The following ATXN3 variants were observed in gnomAD, a reference collection of about 807,000 sequenced individuals.
The protein encoded by ATXN3 is ataxin-3.
A neutral mutation model predicts 58.2 loss-of-function variants in ATXN3; 28 were observed. The observed-to-expected ratio is 0.48, with a 90% confidence interval of 0.36 to 0.66. The LOEUF (loss-of-function observed/expected upper bound fraction) is 0.66, where lower values mean the gene tolerates loss of function less well. Ranked by LOEUF, ATXN3 falls within the 30% of genes least tolerant of loss-of-function variation. ATXN3 has a pLI of 0.00. For missense variants in ATXN3, 321 were observed against 422.1 expected (o/e 0.76, Z 2.10); for synonymous variants, 113 against 138.5 (o/e 0.82, Z 1.29).
intron 9 of ATXN3, chr14:92,079,565 A>ATAATTGACAGTAT: frequency 9.4e-6 from 3 of 318,608 alleles, no homozygotes; most frequent in Non-Finnish European, 1.4e-5. Context: ...ATATACTGTC[A>ATAATTGACAGTAT]ATTATGACTG....
chr14:92,103,320 G>A (rs1051796464), intron 1 of ATXN3, among the ~76,000 whole-genome samples: 1 of 152,178 alleles, frequency 6.6e-6, no homozygotes, highest in Admixed American at 6.6e-5. Context: ...ATGTGTGACA[G>A]AGACTACAGC....
rs1300114789 is a variant in ATXN3 at position 92,088,775 on chromosome 14, A to G, written c.430T>C (p.Ser144Pro). ...NSLLTGPELI[S>P]DTYLALFLAQ... is the part of the protein sequence containing the mutation. ...AAGAAAAGTGCAAGATATGTATCTG[A>G]TATTAATTCTGGACCCGTCAAGAGA... The change falls in exon 6 of 11, where the codon TCA (serine) becomes CCA (proline). Residue 144 changes from serine (S) to proline (P), a missense_variant. Around this residue, in one of 2 missense-constraint regions of ATXN3, gnomAD observed 121 missense variants for 198.9 expected, o/e 0.61. Transcript: ENST00000644486. The G allele has an allele frequency of 5.6e-6, 9 of 1,612,750 alleles. No homozygotes were observed. Among genetic ancestry groups the G allele is most frequent in the Non-Finnish European group, 7.6e-6 (9 of 1,179,066 alleles).
chr14:92,081,161 TTTTCTC>T (rs1164759577), intron 8 of ATXN3, 100 bp from the exon 9 acceptor site: 4 of 818,010 alleles, frequency 4.9e-6, no homozygotes, highest in Non-Finnish European at 6.0e-6. Context: ...CTTTAAAACG[TTTTCTC>T]TTTAAGAATA....
chr14:92,084,824 C>T (rs2062085277), intron 6 of ATXN3, among the ~76,000 whole-genome samples: 2 of 152,118 alleles, frequency 1.3e-5, no homozygotes, highest in Non-Finnish European at 2.9e-5. Flanking sequence ...AGGTGATCTG[C>T]CCACCTCGGC....
rs2063136858 is a variant in ATXN3 at position 92,088,809 on chromosome 14, G to C, written c.396C>G (p.Asn132Lys). Residue 132 changes from asparagine to lysine, a missense_variant, in exon 6 of 11, where the codon AAC (asparagine) becomes AAG (lysine). This residue lies in a region of ATXN3 where 121 missense variants were observed against 198.9 expected (regional missense o/e 0.61). Transcript: ENST00000644486. The stretch of plus-strand genomic sequence containing the variant: ...CTGGACCCGTCAAGAGAGAATTCAA[G>C]TTAAACCACTGGAAAAAAATTGTCA... ...TVRKLGKQWFNLNSLLTGPEL... is the reference protein window; with the variant it reads ...TVRKLGKQWFKLNSLLTGPEL... 1.9e-6 allele frequency: 3 copies of C among 1,606,068 alleles called. No individual in the cohort carries two copies. The highest frequency in any genetic ancestry group is 1.7e-6 in the Non-Finnish European group (2 of 1,174,478).
rs1267425120 is a variant in ATXN3 at position 92,062,158 on chromosome 14, G to T, written c.*2162C>A. The T allele has an allele frequency of 6.6e-6, 1 of 152,228 alleles. No individual in the cohort carries two copies. Among genetic ancestry groups the T allele is most frequent in the Admixed American group, 6.5e-5 (1 of 15,272 alleles). 9.4% of individuals were successfully genotyped at this position (152,228 alleles called of 1,614,324 possible). On this transcript the variant is annotated 3_prime_UTR_variant, in exon 11 of 11. Coordinates refer to ENST00000644486, the MANE Select transcript of ATXN3 (RefSeq NM_004993.6). ...TGTAATCCCAGCTACTCTGGAGGCT[G>T]AGGCAGGAGAATTGCTTGAACCCGG...
intron 1 of ATXN3, among the ~76,000 whole-genome samples, chr14:92,102,305 AC>A (rs1301941924): frequency 1.6e-4 from 22 of 136,850 alleles, no homozygotes; most frequent in Non-Finnish European, 3.4e-4. Context: ...TAAATTAAAA[AC>A]AAAAAAAAAA....
At position 92,058,645 on chromosome 14, in the gene ATXN3, C is replaced by G. The variant is rs915320626; in HGVS notation, c.*5675G>C. Reference sequence around the variant, plus strand: ...ACTAACAACAGAATCCTGTGTTCAACAGTGCTTTGGAAGCCCGGCTTTTCT... The same window carrying G: ...ACTAACAACAGAATCCTGTGTTCAAGAGTGCTTTGGAAGCCCGGCTTTTCT... On this transcript the variant is annotated 3_prime_UTR_variant, in exon 11 of 11. Transcript: ENST00000644486. The G allele has an allele frequency of 2.0e-5, 3 of 152,168 alleles. No homozygotes were observed. The highest frequency in any genetic ancestry group is 2.0e-4 in the Admixed American group (3 of 15,276). 9.4% of individuals were successfully genotyped at this position (152,168 alleles called of 1,614,324 possible).
upstream of ATXN3, among the ~76,000 whole-genome samples, chr14:92,051,157 A>T (rs916275918): frequency 7.2e-5 from 11 of 152,162 alleles, no homozygotes; most frequent in African/African-American, 2.7e-4. Context: ...TGATGATATC[A>T]TAATTTTTGG....
At chr14:92,097,139 G>C (rs1203308756) in intron 1 of ATXN3, among the ~76,000 whole-genome samples, 3 of 152,068 alleles carry the variant, frequency 2.0e-5, no homozygotes, top group East Asian at 3.9e-4. Context: ...TTGATCTCCT[G>C]ACCTCGTGAT....
intron 3 of ATXN3, among the ~76,000 whole-genome samples, chr14:92,094,835 C>T (rs2064787243): frequency 6.6e-6 from 1 of 152,154 alleles, no homozygotes; most frequent in Non-Finnish European, 1.5e-5. Flanking sequence ...CCTCTGATTT[C>T]AGCCCTGCAG....
At chr14:92,086,531 C>T (rs996889088) in intron 6 of ATXN3, among the ~76,000 whole-genome samples, 3 of 141,222 alleles carry the variant, frequency 2.1e-5, no homozygotes, top group African/African-American at 8.1e-5. Context: ...CGCCATTGCA[C>T]TCCAGCCGGA....
rs56226118 is a variant in ATXN3 at position 92,104,176 on chromosome 14, T to C, written c.24+2353A>G. On this transcript the variant is annotated intron_variant, in intron 1 of 10. Transcript: ENST00000644486. ...TTTTTTTTGAGACGGAGTCTCGCTC[T>C]GTTGCCCAGGCTGAAGTGCAGTGGC... Among the ~76,000 whole-genome samples the C allele has an allele frequency of 4.3e-3, 650 of 152,334 alleles. 3 individuals carry two copies. Among genetic ancestry groups the C allele is most frequent in the African/African-American group, 0.015 (606 of 41,576 alleles).
chr14:92,085,979 A>G (rs2062400106), intron 6 of ATXN3, among the ~76,000 whole-genome samples: 1 of 152,160 alleles, frequency 6.6e-6, no homozygotes, highest in African/African-American at 2.4e-5. Flanking sequence ...TTTAAATATA[A>G]AAGAAAAAAG....
downstream of ATXN3, among the ~76,000 whole-genome samples, chr14:92,053,795 A>G (rs1340779838): frequency 1.3e-5 from 2 of 151,862 alleles, no homozygotes; most frequent in Non-Finnish European, 2.9e-5. Context: ...CACCAAACCC[A>G]GCCTCCTTTC....
rs1555392594 is a variant in ATXN3, at chr14:92,060,270, A to ATATATTT, written c.*4049_*4050insAAATATA. The ATATATTT allele has an allele frequency of 1.3e-4, 15 of 117,406 alleles. 1 individual carries two copies. The highest frequency in any genetic ancestry group is 2.8e-4 in the African/African-American group (8 of 28,336). 7.3% of individuals were successfully genotyped at this position (117,406 alleles called of 1,614,324 possible). ...CACACATATATATATATATATATAT[A>ATATATTT]TTTTTTTTTTTCAGAAACAGTGTCT... On this transcript the variant is annotated 3_prime_UTR_variant, in exon 11 of 11. Coordinates refer to ENST00000644486, the MANE Select transcript of ATXN3 (RefSeq NM_004993.6).
At chr14:92,072,782 A>C (rs751059462) in intron 9 of ATXN3, among the ~76,000 whole-genome samples, 11 of 151,940 alleles carry the variant, frequency 7.2e-5, no homozygotes, top group Non-Finnish European at 1.2e-4. Context: ...TAAGAATTTG[A>C]AAAGGAACAA....
At chr14:92,091,957 A>G (rs985224016) in intron 5 of ATXN3, among the ~76,000 whole-genome samples, 3 of 151,952 alleles carry the variant, frequency 2.0e-5, no homozygotes, top group African/African-American at 7.3e-5. Context: ...TGGCCTCCAA[A>G]AGTGCTGGGA....
At chr14:92,070,796 G>GT in intron 10 of ATXN3, 139 bp downstream of exon 10, 1 of 1,446,484 alleles carries the variant, frequency 6.9e-7, no homozygotes, top group South Asian at 1.3e-5. Context: ...GGGAAATTTA[G>GT]TAGATTACAA....
Sources: allele counts gnomAD v4.1 joint callset (sites outside exome capture counted in the v4.1 genomes callset), GRCh38; gene constraint gnomAD v4.1.1; regional missense constraint gnomAD v4.1.1; transcripts MANE v1.5; gene names NCBI Gene and HGNC (gene_info 2026-07-23, HGNC 2026-07-21).